Variants in DLG2 observed in about 807,000 individuals in gnomAD.
DLG2 encodes discs large MAGUK scaffold protein 2.
Under a neutral mutation model 132.5 loss-of-function variants are expected in DLG2, and 45 were observed. The observed-to-expected ratio is 0.34, with a 90% confidence interval of 0.27 to 0.44. The LOEUF is 0.44. Ranked by LOEUF, DLG2 falls within the 20% of genes least tolerant of loss-of-function variation. The pLI, the probability that DLG2 is intolerant of heterozygous loss-of-function variation, is 1.00. For synonymous variants in DLG2, 424 were observed against 419.6 expected (o/e 1.01, Z -0.13); for missense variants, 1,045 against 1,196.9 (o/e 0.87, Z 1.87).
chr11:84,280,957 G>A (rs367553218), intron 7 of DLG2, among the ~76,000 whole-genome samples: 3 of 139,602 alleles, frequency 2.1e-5, no homozygotes, highest in Admixed American at 8.2e-5. Context: ...TCCTGACCTC[G>A]TGATCCGCCC....
chr11:83,667,975 CAAAAAAAA>C (rs10688898), intron 18 of DLG2, among the ~76,000 whole-genome samples: 6 of 39,600 alleles, frequency 1.5e-4, no homozygotes, highest in African/African-American at 6.2e-4. Flanking sequence ...GACTCCGTCT[CAAAAAAAA>C]AAAAAAAAAA....
intron 3 of DLG2, among the ~76,000 whole-genome samples, chr11:85,331,911 G>A (rs1178942847): frequency 6.6e-6 from 1 of 152,126 alleles, no homozygotes; most frequent in Non-Finnish European, 1.5e-5. Context: ...ATTATAAATA[G>A]TGCTACAATA....
chr11:83,620,603 C>T (rs1175534307), intron 19 of DLG2, among the ~76,000 whole-genome samples: 1 of 152,036 alleles, frequency 6.6e-6, no homozygotes, highest in Non-Finnish European at 1.5e-5. Context: ...TAAAAAAATG[C>T]ATTCCTCCTG....
chr11:84,513,457 C>A (rs1403554597), intron 7 of DLG2, among the ~76,000 whole-genome samples: 2 of 151,890 alleles, frequency 1.3e-5, no homozygotes, highest in Non-Finnish European at 2.9e-5. Flanking sequence ...CTATTGTAAC[C>A]AAAAAAGCAT....
intron 6 of DLG2, among the ~76,000 whole-genome samples, chr11:84,972,425 G>A (rs960510368): frequency 1.3e-5 from 2 of 152,172 alleles, no homozygotes; most frequent in African/African-American, 4.8e-5. Context: ...AAGGGAGCTG[G>A]TTTTGTCTAT....
chr11:85,536,560 C>T (rs892634285), intron 3 of DLG2, among the ~76,000 whole-genome samples: 3 of 152,250 alleles, frequency 2.0e-5, no homozygotes, highest in African/African-American at 7.2e-5. Context: ...GCTATGAGGG[C>T]CCCTCTCTGG....
At chr11:84,466,639 C>T (rs932561892) in intron 7 of DLG2, among the ~76,000 whole-genome samples, 4 of 151,288 alleles carry the variant, frequency 2.6e-5, no homozygotes, top group African/African-American at 9.7e-5. Context: ...GCTCTGTTGG[C>T]AAGAAGCAGC....
intron 10 of DLG2, among the ~76,000 whole-genome samples, chr11:84,064,751 C>G (rs2096645579): frequency 6.6e-6 from 1 of 151,978 alleles, no homozygotes; most frequent in Non-Finnish European, 1.5e-5. Context: ...AGTCAAGATG[C>G]TGAAAGTGTT....
At chr11:84,029,648 C>CT (rs1019166023) in intron 11 of DLG2, among the ~76,000 whole-genome samples, 3 of 152,122 alleles carry the variant, frequency 2.0e-5, no homozygotes, top group Admixed American at 1.3e-4. Context: ...CCACACAACT[C>CT]TAAGTGGCAG....
Position 85,151,853 on chromosome 11 carries a change from T to G in DLG2, c.282+2703A>C, listed in dbSNP as rs1250616305. 2.0e-5 allele frequency among the ~76,000 whole-genome samples: 3 copies of G among 152,324 alleles called. No individual in the cohort carries two copies. In the East Asian group the frequency reaches 5.8e-4, roughly 29 times the overall value. On this transcript the variant is annotated intron_variant, in intron 5 of 27. Coordinates refer to ENST00000376104, the MANE Select transcript of DLG2 (RefSeq NM_001142699.3). ...TAAGTTTGTTCTTATTCTCCAAAAT[T>G]GATTAGGCTATTTAGTGTCTCGGAA...
chr11:83,781,021 G>A (rs1459461339), intron 18 of DLG2, among the ~76,000 whole-genome samples: 1 of 152,154 alleles, frequency 6.6e-6, no homozygotes. Context: ...CAGTAGGGTT[G>A]GGTTGAGACC....
At chr11:84,830,067 A>G (rs1213349269) in intron 6 of DLG2, among the ~76,000 whole-genome samples, 2 of 151,670 alleles carry the variant, frequency 1.3e-5, no homozygotes, top group African/African-American at 4.8e-5. Context: ...ATATACAAAT[A>G]TCAAACATTA....
At chr11:83,461,367 C>G in intron 27 of DLG2, among the ~76,000 whole-genome samples, 1 of 152,096 alleles carries the variant, frequency 6.6e-6, no homozygotes, top group African/African-American at 2.4e-5. Context: ...AGTCTGATTA[C>G]TCAGTGTTCT....
chr11:84,686,791 G>C (rs921652384), intron 6 of DLG2: 5 of 151,950 alleles, frequency 3.3e-5, no homozygotes, highest in Non-Finnish European at 5.9e-5. Flanking sequence ...CTTGTGGTTG[G>C]GGGGTGGCGC....
At chr11:83,509,989 A>G (rs551271721) in intron 21 of DLG2, among the ~76,000 whole-genome samples, 1 of 152,334 alleles carries the variant, frequency 6.6e-6, no homozygotes, top group African/African-American at 2.4e-5. Context: ...GTGAAGGCCA[A>G]TAGGCAAATA....
In DLG2 at chr11:85,379,340, C is replaced by A. The variant is rs1173687362; in HGVS notation, c.41-93975G>T. Among the ~76,000 whole-genome samples, 3 of 152,084 alleles carry A rather than the reference C, an allele frequency of 2.0e-5. No individual in the cohort carries two copies. The South Asian group carries it at 6.2e-4, about 32-fold the overall frequency. On this transcript the variant is annotated intron_variant, in intron 3 of 27. Coordinates refer to ENST00000376104, the MANE Select transcript of DLG2 (RefSeq NM_001142699.3). ...CCTGTCTTTAGGTTTAAACAAGATC[C>A]TTTCAAAGATATGTAGCATGTGATA...
chr11:85,413,741 T>TC (rs1310820796), intron 3 of DLG2, among the ~76,000 whole-genome samples: 2 of 152,086 alleles, frequency 1.3e-5, no homozygotes, highest in Admixed American at 6.6e-5. Context: ...GGTTCTGTAT[T>TC]CTATTCCATT....
intron 6 of DLG2, among the ~76,000 whole-genome samples, chr11:84,973,690 T>C (rs767188434): frequency 2.6e-4 from 39 of 152,164 alleles, no homozygotes; most frequent in Non-Finnish European, 4.1e-4. Context: ...CAGAAAACTT[T>C]TCTAAAAAGG....
At chr11:83,727,116 C>T (rs1325310872) in intron 18 of DLG2, among the ~76,000 whole-genome samples, 1 of 152,182 alleles carries the variant, frequency 6.6e-6, no homozygotes, top group African/African-American at 2.4e-5. Context: ...ATAAGAGCAG[C>T]TCCTATCACT....
Sources: gnomAD v4.1 joint callset for allele counts (sites outside exome capture counted in the v4.1 genomes callset) on GRCh38, gnomAD v4.1.1 for gene constraint, MANE v1.5 for transcripts, NCBI Gene and HGNC (gene_info 2026-07-23, HGNC 2026-07-21) for gene names.